The following ITPR2 variants were observed in gnomAD, a reference collection of about 807,000 sequenced individuals.
ITPR2 encodes the protein inositol 1,4,5-trisphosphate-gated calcium channel ITPR2.
A neutral mutation model predicts 317.1 loss-of-function variants in ITPR2; 207 were observed. The observed-to-expected ratio is 0.65, with a 90% CI of 0.58 to 0.73. The LOEUF (loss-of-function observed/expected upper bound fraction) is 0.73. ITPR2 is among the 30% of genes least tolerant of loss of function. The pLI is 0.00. For missense variants in ITPR2, 2,613 were observed against 3,284.0 expected, an observed-to-expected ratio of 0.80 and a Z score of 4.99; for synonymous variants, 1,156 against 1,149.1, an observed-to-expected ratio of 1.01 and a Z score of -0.12.
At chr12:26,832,430 G>C (rs1233622239) in intron 1 of ITPR2, among the ~76,000 whole-genome samples, 1 of 152,278 alleles carries the variant, frequency 6.6e-6, no homozygotes. Context: ...CCGTCTCCGG[G>C]CTTCTGAATC....
intron 55 of ITPR2, among the ~76,000 whole-genome samples, chr12:26,357,617 T>C (rs552010385): frequency 1.4e-5 from 2 of 146,378 alleles, no homozygotes; most frequent in Non-Finnish European, 3.0e-5. Context: ...CTGTCATAAA[T>C]GCTGTAGCCT....
intron 2 of ITPR2, among the ~76,000 whole-genome samples, chr12:26,762,137 C>T (rs1052237370): frequency 1.3e-5 from 2 of 151,766 alleles, no homozygotes; most frequent in East Asian, 3.9e-4. Flanking sequence ...TTACGGGGTC[C>T]CAGAAGGAAT....
Position 26,387,508 on chromosome 12 carries a change from A to C in ITPR2, c.7783T>G (p.Phe2595Val), listed in dbSNP as rs761896955. The part of the protein sequence containing the change: ...SEHNMWHYLY[F>V]IVLVKVKDPT... ...TCTTTAACTTTCACCAGGACTATGA[A>C]GTACAAATAATGCCACATATTGTGT... Residue 2595 changes from phenylalanine to valine, a missense_variant, in exon 55 of 57, where the codon TTC (phenylalanine) becomes GTC (valine). Around this residue, in one of 9 missense-constraint regions of ITPR2, gnomAD observed 119 missense variants for 144.3 expected, o/e 0.82. Coordinates refer to ENST00000381340, the MANE Select transcript of ITPR2 (RefSeq NM_002223.4). 6.2e-7 allele frequency: 1 copy of C among 1,613,732 alleles called. No homozygotes were observed. Among genetic ancestry groups the C allele is most frequent in the African/African-American group, 1.3e-5 (1 of 74,912 alleles).
Position 26,411,378 on chromosome 12 carries a change from G to A in ITPR2, c.7341C>T (p.Thr2447=), listed in dbSNP as rs1236714203. ...TCTCCTTGGCACATGCTTCCATCATGGTAGTTAAAGTCATAGTAGGCACTT... is the reference window on the plus strand; with the variant it reads ...TCTCCTTGGCACATGCTTCCATCATAGTAGTTAAAGTCATAGTAGGCACTT... ...SHQVPTMTLT[T]MMEACAKENC... Residue 2447 remains threonine (T), a synonymous_variant, in exon 52 of 57, where the codon ACC becomes ACT. Transcript: ENST00000381340. The A allele has an allele frequency of 6.2e-7, 1 of 1,613,464 alleles. No homozygotes were observed. Among genetic ancestry groups the A allele is most frequent in the South Asian group, 1.1e-5 (1 of 91,068 alleles).
chr12:26,460,196 G>C (rs1941982777), intron 45 of ITPR2, among the ~76,000 whole-genome samples: 1 of 152,160 alleles, frequency 6.6e-6, no homozygotes, highest in Non-Finnish European at 1.5e-5. Context: ...CCTCCATCCT[G>C]TGTCTCACCT....
chr12:26,683,463 T>C (rs1565690357), intron 11 of ITPR2, among the ~76,000 whole-genome samples: 1 of 152,136 alleles, frequency 6.6e-6, no homozygotes, highest in Non-Finnish European at 1.5e-5. Flanking sequence ...CACAAGAAGG[T>C]TGTGATGTGC....
intron 2 of ITPR2, among the ~76,000 whole-genome samples, chr12:26,748,502 C>T (rs1486021008): frequency 6.6e-6 from 1 of 152,142 alleles, no homozygotes; most frequent in African/African-American, 2.4e-5. Flanking sequence ...TTTGCACCAA[C>T]CTAATAGTTT....
At chr12:26,650,123 A>T (rs953075890) in intron 21 of ITPR2, among the ~76,000 whole-genome samples, 5 of 152,244 alleles carry the variant, frequency 3.3e-5, no homozygotes, top group African/African-American at 1.2e-4. Flanking sequence ...TCACTAAAAA[A>T]TATGAGAATT....
intron 10 of ITPR2, among the ~76,000 whole-genome samples, chr12:26,692,452 C>T (rs1948259053): frequency 6.6e-6 from 1 of 152,142 alleles, no homozygotes; most frequent in African/African-American, 2.4e-5. Context: ...AAAATCAGAT[C>T]ATATTCCACA....
chr12:26,618,135 T>C (rs77065663), intron 26 of ITPR2, among the ~76,000 whole-genome samples: 11,505 of 152,232 alleles, frequency 0.076, 498 homozygotes, highest in Middle Eastern at 0.14. Context: ...ACAGTAAACA[T>C]TATGTTCAAT....
At chr12:26,569,267 A>C (rs1175196323) in intron 34 of ITPR2, among the ~76,000 whole-genome samples, 1 of 152,144 alleles carries the variant, frequency 6.6e-6, no homozygotes, top group African/African-American at 2.4e-5. Context: ...GCAAGAAAAA[A>C]AATATGGTGG....
chr12:26,765,866 G>A, intron 2 of ITPR2, among the ~76,000 whole-genome samples: 1 of 152,012 alleles, frequency 6.6e-6, no homozygotes, highest in South Asian at 2.1e-4. Context: ...GCCTATTCTT[G>A]ACATTCCATA....
intron 9 of ITPR2, among the ~76,000 whole-genome samples, chr12:26,704,447 G>A (rs769466065): frequency 2.1e-4 from 32 of 152,166 alleles, no homozygotes; most frequent in South Asian, 2.1e-4. Flanking sequence ...CAGATCATGA[G>A]ATATTATTGG....
rs1196089843 is a variant in ITPR2 at position 26,657,726 on chromosome 12, C to T, written c.2173G>A (p.Glu725Lys). Reference sequence around the variant, plus strand: ...CTTAACCTGTAATAGGTAAGAACTTCTAAGTCAGCTTTGGTGCCTTCTTTT... The same window carrying T: ...CTTAACCTGTAATAGGTAAGAACTTTTAAGTCAGCTTTGGTGCCTTCTTTT... Reference protein sequence around the residue: ...EAKEGTKADLEVLTYYRYQLN... With the variant: ...EAKEGTKADLKVLTYYRYQLN... The change falls in exon 18 of 57, where the codon GAA becomes AAA. Residue 725 changes from glutamate (E) to lysine (K), a missense_variant. This residue lies in a region of ITPR2 where 817 missense variants were observed against 897.6 expected (regional missense o/e 0.91). Transcript: ENST00000381340. The T allele has an allele frequency of 6.2e-7, 1 of 1,614,098 alleles. No homozygotes were observed. Among genetic ancestry groups the T allele is most frequent in the Non-Finnish European group, 8.5e-7 (1 of 1,179,976 alleles).
Position 26,624,282 on chromosome 12 carries a change from TATAA to T in ITPR2, c.3122+13_3122+16del, listed in dbSNP as rs1565648312. ...GTTATTCACAAGTAAGATAAAGATA[TATAA>T]ATGTTACTATACCTTCCCGCAAACA... On this transcript the variant is annotated intron_variant, in intron 24 of 56. Transcript: ENST00000381340. 1.3e-6 allele frequency: 2 copies of T among 1,536,452 alleles called. No individual in the cohort carries two copies. The highest frequency in any genetic ancestry group is 1.7e-5 in the Admixed American group (1 of 57,612).
chr12:26,671,932 A>G (rs1238199688), intron 13 of ITPR2, among the ~76,000 whole-genome samples: 1 of 152,174 alleles, frequency 6.6e-6, no homozygotes, highest in Non-Finnish European at 1.5e-5. Flanking sequence ...TTAAACCAAC[A>G]AAGATCAAAA....
chr12:26,472,110 G>T (rs1434143273), intron 45 of ITPR2, among the ~76,000 whole-genome samples: 1 of 152,182 alleles, frequency 6.6e-6, no homozygotes, highest in Non-Finnish European at 1.5e-5. Flanking sequence ...TGAAAAACTG[G>T]TGACGGGGTT....
intron 55 of ITPR2, among the ~76,000 whole-genome samples, chr12:26,364,041 C>A (rs78323420): frequency 6.6e-6 from 1 of 152,158 alleles, no homozygotes; most frequent in Non-Finnish European, 1.5e-5. Flanking sequence ...GTGTCTGGCA[C>A]TCTCCCGTGG....
rs1939430012 is a variant in ITPR2, at chr12:26,379,138, G to T, written c.7857+8296C>A. ...CACATTATGGGCATGGCATCCGTTT[G>T]TGCAAGCTGTGCCACTTTGGGCAAG... On this transcript the variant is annotated intron_variant, in intron 55 of 56. Coordinates refer to ENST00000381340, the MANE Select transcript of ITPR2 (RefSeq NM_002223.4). Among the ~76,000 whole-genome samples the T allele has an allele frequency of 2.0e-5, 3 of 152,308 alleles. No individual in the cohort carries two copies. In the South Asian group the frequency reaches 6.2e-4, roughly 32 times the overall value.
Sources: allele counts gnomAD v4.1 joint callset (sites outside exome capture counted in the v4.1 genomes callset), GRCh38; gene constraint gnomAD v4.1.1; regional missense constraint gnomAD v4.1.1; transcripts MANE v1.5; gene names NCBI Gene and HGNC (gene_info 2026-07-23, HGNC 2026-07-21).